The following LPA variants were observed in gnomAD, a reference collection of about 807,000 sequenced individuals.
The protein encoded by LPA is apolipoprotein(a).
Under a neutral mutation model 197.9 loss-of-function variants are expected in LPA, and 199 were observed. That is an observed-to-expected ratio of 1.01 (90% confidence interval 0.90 to 1.13). The LOEUF (loss-of-function observed/expected upper bound fraction) is 1.13, where lower values mean the gene tolerates loss of function less well. LPA is among the 50% of genes most tolerant of loss of function. LPA has a pLI of 0.00. For missense variants in LPA, 1,853 were observed against 1,785.8 expected (o/e 1.04, Z -0.68); for synonymous variants, 715 against 639.5 (o/e 1.12, Z -1.78).
At chr6:160,546,966 G>T (rs1024265773) in intron 32 of LPA, among the ~76,000 whole-genome samples, 1 of 152,094 alleles carries the variant, frequency 6.6e-6, no homozygotes, top group Non-Finnish European at 1.5e-5. Context: ...GCCTCATAGA[G>T]GGCATCTCTG....
intron 33 of LPA, 61 bp from the exon 34 acceptor site, chr6:160,542,869 A>G: frequency 6.2e-7 from 1 of 1,610,232 alleles, no homozygotes; most frequent in Middle Eastern, 1.7e-4. Flanking sequence ...TGTGTCGTTT[A>G]ATTCAGGACG....
intron 28 of LPA, among the ~76,000 whole-genome samples, chr6:160,562,732 C>T (rs1778384080): frequency 6.6e-6 from 1 of 152,174 alleles, no homozygotes; most frequent in East Asian, 1.9e-4. Context: ...TTAATTACTG[C>T]CTCGATTTCA....
chr6:160,557,607 G>T (rs371100738), intron 28 of LPA, 36 bp from the exon 29 acceptor site: 2 of 1,604,628 alleles, frequency 1.2e-6, no homozygotes, highest in South Asian at 1.1e-5. Context: ...CACAAGAGGC[G>T]GGAAAAAATT....
chr6:160,583,611 T>C (rs979882675), intron 26 of LPA, among the ~76,000 whole-genome samples: 8 of 152,172 alleles, frequency 5.3e-5, no homozygotes, highest in African/African-American at 1.9e-4. Context: ...CTGTTCTTTG[T>C]TCTCCTTTCT....
intron 29 of LPA, among the ~76,000 whole-genome samples, chr6:160,557,140 C>A (rs1337245581): frequency 6.6e-6 from 1 of 152,050 alleles, no homozygotes; most frequent in East Asian, 1.9e-4. Context: ...TCTGGAACAC[C>A]GAGATAACCC....
At chr6:160,585,398 T>C (rs1210534634) in intron 25 of LPA, among the ~76,000 whole-genome samples, 193 bp from the exon 26 acceptor site, 1 of 152,138 alleles carries the variant, frequency 6.6e-6, no homozygotes, top group Non-Finnish European at 1.5e-5. Context: ...TAGTCATAAA[T>C]ATTTTAATTC....
At chr6:160,647,198 C>G (rs528364683) in intron 2 of LPA, among the ~76,000 whole-genome samples, 7 of 152,106 alleles carry the variant, frequency 4.6e-5, no homozygotes, top group Non-Finnish European at 8.8e-5. Flanking sequence ...GGTCCCATGG[C>G]ATAAAGGAAG....
intron 21 of LPA, 142 bp downstream of exon 21, chr6:160,595,212 G>C (rs1329936086): frequency 9.8e-7 from 1 of 1,023,108 alleles, no homozygotes; most frequent in Non-Finnish European, 1.5e-6. Context: ...AAGGCGCTGA[G>C]TGTTCCTTCC....
rs1268459222 is a variant in LPA at position 160,578,679 on chromosome 6, T to A, written c.4315A>T (p.Asn1439Tyr). ...NAGLTRNYCR[N>Y]PDAEIRPWCY... The stretch of plus-strand genomic sequence containing the variant: ...CAAGGGCGAATCTCAGCATCTGGAT[T>A]CCTGCAGTAGTTCCTGGTCAGGCCA... Residue 1439 changes from asparagine (N) to tyrosine (Y), a missense_variant, in exon 27 of 39, where the codon AAT becomes TAT. Around this residue, in one of 3 missense-constraint regions of LPA, gnomAD observed 1,737 missense variants for 1,504.4 expected, o/e 1.15. Coordinates refer to ENST00000316300, the MANE Select transcript of LPA (RefSeq NM_005577.4). 6.2e-7 allele frequency: 1 copy of A among 1,613,776 alleles called. No homozygotes were observed. Among genetic ancestry groups the A allele is most frequent in the Non-Finnish European group, 8.5e-7 (1 of 1,179,914 alleles).
At chr6:160,541,308 C>A in intron 34 of LPA, 127 bp from the exon 35 acceptor site, 1 of 743,536 alleles carries the variant, frequency 1.3e-6, no homozygotes. Flanking sequence ...AAAGGACTAC[C>A]GCCCAACGTC....
chr6:160,559,029 AC>A (rs1778318559), intron 28 of LPA, among the ~76,000 whole-genome samples: 1 of 152,092 alleles, frequency 6.6e-6, no homozygotes, highest in Middle Eastern at 3.2e-3. Context: ...GTTGAGATAT[AC>A]TTTCCCACAG....
intron 37 of LPA, 21 bp from the exon 38 acceptor site, chr6:160,532,670 G>T (rs1328576948): frequency 1.2e-5 from 18 of 1,502,884 alleles, no homozygotes; most frequent in Non-Finnish European, 1.7e-5. Flanking sequence ...AAAGATGAAA[G>T]AAATGGTTAC....
At chr6:160,634,988 C>T in intron 7 of LPA, 135 bp downstream of exon 7, 2 of 1,504,088 alleles carry the variant, frequency 1.3e-6, no homozygotes, top group Non-Finnish European at 9.1e-7. Context: ...TACACGGAGG[C>T]TTCCCCCAAC....
chr6:160,591,822 G>A (rs200838462), intron 22 of LPA, among the ~76,000 whole-genome samples: 1 of 55,404 alleles, frequency 1.8e-5, no homozygotes, highest in Non-Finnish European at 3.4e-5. Flanking sequence ...AATGTCATTG[G>A]TTTGGACTAT....
rs1777811551 is a variant in LPA, at chr6:160,531,820, C to A, written c.6032G>T (p.Gly2011Val). The A allele has an allele frequency of 6.2e-7, 1 of 1,614,104 alleles. No homozygotes were observed. Among genetic ancestry groups the A allele is most frequent in the Non-Finnish European group, 8.5e-7 (1 of 1,179,994 alleles). The change falls in exon 39 of 39, where the codon GGT (glycine) becomes GTT (valine). Residue 2011 changes from glycine (G) to valine (V), a missense_variant. Physicochemically the swap from Gly to Val is moderately radical, Grantham distance 109. This residue lies in a region of LPA where 1,737 missense variants were observed against 1,504.4 expected (regional missense o/e 1.15). Coordinates refer to ENST00000316300, the MANE Select transcript of LPA (RefSeq NM_005577.4). The stretch of plus-strand genomic sequence containing the variant: ...CTTATTGGGGCGTGCACAGCCAAGA[C>A]CCCAAGAAGTGACTCCTTGTAAAAT... Reference protein sequence around the residue: ...KYILQGVTSWGLGCARPNKPG... With the variant: ...KYILQGVTSWVLGCARPNKPG...
chr6:160,659,956 T>C (rs75975753), intron 1 of LPA, among the ~76,000 whole-genome samples: 3,948 of 122,034 alleles, frequency 0.032, no homozygotes, highest in African/African-American at 0.074. Flanking sequence ...AGTCAATGCG[T>C]AGAAGTAATT....
At chr6:160,658,808 G>A (rs1321145643) in intron 1 of LPA, among the ~76,000 whole-genome samples, 1 of 151,684 alleles carries the variant, frequency 6.6e-6, no homozygotes, top group African/African-American at 2.4e-5. Flanking sequence ...TGTTCCTCAA[G>A]AACCACTTCT....
intron 1 of LPA, 116 bp from the exon 2 acceptor site, chr6:160,650,613 T>C: frequency 4.0e-6 from 4 of 990,082 alleles, no homozygotes; most frequent in South Asian, 3.9e-5. Flanking sequence ...TTCTCTTCTC[T>C]TGATTAGCAG....
intron 28 of LPA, among the ~76,000 whole-genome samples, chr6:160,576,688 G>GTATA (rs1414636286): frequency 0.012 from 673 of 57,814 alleles, 4 homozygotes; most frequent in Middle Eastern, 0.029. Context: ...GTGTGTGTGT[G>GTATA]TGTATATATA....
Sources: allele counts gnomAD v4.1 joint callset (sites outside exome capture counted in the v4.1 genomes callset), GRCh38; gene constraint gnomAD v4.1.1; regional missense constraint gnomAD v4.1.1; transcripts MANE v1.5; gene names NCBI Gene and HGNC (gene_info 2026-07-23, HGNC 2026-07-21).